IDS: variants seen among roughly 807,000 people sequenced by gnomAD.
The protein encoded by IDS is iduronate 2-sulfatase.
A neutral mutation model predicts 33.5 loss-of-function variants in IDS; 1 was observed. The observed-to-expected ratio is 0.03, with a 90% CI of 0.01 to 0.14. IDS has a LOEUF of 0.14. Among genes scored for constraint, IDS ranks in the 10% least tolerant of loss-of-function variants. The pLI, the probability that IDS is intolerant of heterozygous loss-of-function variation, is 1.00. For missense variants in IDS, 328 were observed against 448.0 expected, an observed-to-expected ratio of 0.73 and a Z score of 2.42; for synonymous variants, 191 against 184.4, an observed-to-expected ratio of 1.04 and a Z score of -0.29.
At chrX:149,503,000 C>A in intron 3 of IDS, 1 of 554,863 alleles carries the variant, frequency 1.8e-6, no homozygotes, top group Non-Finnish European at 2.8e-6. Context: ...AGGGTGGGGC[C>A]CTGAGCTGGA....
Position 149,504,246 on chromosome X carries a change from G to T in IDS, c.151C>A (p.Leu51Met). 8.3e-7 allele frequency: 1 copy of T among 1,208,455 alleles called. No homozygotes were observed. Among genetic ancestry groups the T allele is most frequent in the Non-Finnish European group, 1.1e-6 (1 of 893,029 alleles). The change falls in exon 2 of 9, where the codon CTG becomes ATG. Residue 51 changes from leucine to methionine, a missense_variant. Physicochemically the swap from Leu to Met is conservative, Grantham distance 15. Transcript: ENST00000340855. ...LIIVDDLRPS[L>M]GCYGDKLVRS... ...ACCAGCTTATCCCCATAACAGCCCA[G>T]GGAGGGGCGCAGGTCATCCACGATG... is the stretch of plus-strand genomic sequence containing the variant.
In IDS at chrX:149,496,477, C is replaced by T. The variant is rs782613338; in HGVS notation, c.748G>A (p.Ala250Thr). 7 of 1,209,429 alleles carry T rather than the reference C, an allele frequency of 5.8e-6. No individual in the cohort carries two copies. The South Asian group carries it at 8.8e-5, about 15-fold the overall frequency. ...CCATCAGGGACCTCGGGATCGGGGGCCAGGGTGATGTTCTCCAAGGGATAC... is the reference window on the plus strand; with the variant it reads ...CCATCAGGGACCTCGGGATCGGGGGTCAGGGTGATGTTCTCCAAGGGATAC... Reference protein sequence around the residue: ...KLYPLENITLAPDPEVPDGLP... With the variant: ...KLYPLENITLTPDPEVPDGLP... Residue 250 changes from alanine to threonine, a missense_variant, in exon 6 of 9, where the codon GCC (alanine) becomes ACC (threonine). Ala to Thr is a moderately conservative substitution (Grantham distance 58). Transcript: ENST00000340855.
At position 149,497,168 on chromosome X, in the gene IDS, G is replaced by A. The variant is rs182876203; in HGVS notation, c.709-652C>T. ...CTGTCTGGAACATATCAAAATTCCA[G>A]GCTCCCAGAAAAAAAAAAACAAACC... is the stretch of plus-strand genomic sequence containing the variant. On this transcript the variant is annotated intron_variant, in intron 5 of 8. Coordinates refer to ENST00000340855, the MANE Select transcript of IDS (RefSeq NM_000202.8). 2.4e-3 allele frequency among the ~76,000 whole-genome samples: 266 copies of A among 110,077 alleles called. 3 individuals are homozygous for A. Among genetic ancestry groups the A allele is most frequent in the African/African-American group, 8.5e-3 (253 of 29,727 alleles).
In IDS at chrX:149,480,737, C is replaced by T; in HGVS notation, c.*2009G>A. 7.4e-6 allele frequency: 1 copy of T among 135,666 alleles called. No homozygotes were observed. The highest frequency in any genetic ancestry group is 8.6e-5 in the Admixed American group (1 of 11,575). 11.2% of individuals were successfully genotyped at this position (135,666 alleles called of 1,213,427 possible). On this transcript the variant is annotated 3_prime_UTR_variant, in exon 9 of 9. Coordinates refer to ENST00000340855, the MANE Select transcript of IDS (RefSeq NM_000202.8). ...TCAAGTGATCCGCCTGCCTGGGCCT[C>T]CCAAAGTGCTGGGATTACAGGTGTG...
chrX:149,487,503 C>T (rs2089348437), intron 7 of IDS, among the ~76,000 whole-genome samples: 1 of 111,900 alleles, frequency 8.9e-6, no homozygotes, highest in Admixed American at 9.4e-5. Flanking sequence ...CCTGTGCCTA[C>T]CTGTCTTTTG....
chrX:149,489,554 A>G (rs1338805394), intron 7 of IDS, among the ~76,000 whole-genome samples: 1 of 111,924 alleles, frequency 8.9e-6, no homozygotes, highest in Non-Finnish European at 1.9e-5. Context: ...CTATTATCCT[A>G]TTTCATATTT....
chrX:149,493,209 G>A (rs2089408110), intron 6 of IDS, among the ~76,000 whole-genome samples: 2 of 112,370 alleles, frequency 1.8e-5, no homozygotes, highest in Admixed American at 9.4e-5. Flanking sequence ...AAAGGATATA[G>A]TGGGGGGCCT....
chrX:149,488,580 G>C (rs1569560438), intron 7 of IDS, among the ~76,000 whole-genome samples: 1 of 107,265 alleles, frequency 9.3e-6, no homozygotes, highest in Non-Finnish European at 1.9e-5. Flanking sequence ...GCCTCTGCCA[G>C]CTTTTGTGAG....
chrX:149,487,235 C>G (rs2089345118), intron 7 of IDS, 137 bp from the exon 8 acceptor site: 3 of 1,204,247 alleles, frequency 2.5e-6, no homozygotes, highest in Non-Finnish European at 2.3e-6. Context: ...AAAATATTCA[C>G]TTGGAATTAC....
At chrX:149,499,803 C>T (rs1327562242) in intron 4 of IDS, among the ~76,000 whole-genome samples, 1 of 111,592 alleles carries the variant, frequency 9.0e-6, no homozygotes, top group African/African-American at 3.3e-5. Context: ...TCCCAATCAA[C>T]TTGATAAGGT....
chrX:149,502,229 G>A, intron 3 of IDS: 1 of 317,123 alleles, frequency 3.2e-6, no homozygotes. Context: ...AGAGCCTGGT[G>A]CCAAAATCCA....
chrX:149,487,527 G>A (rs1299186193), intron 7 of IDS, among the ~76,000 whole-genome samples: 3 of 111,745 alleles, frequency 2.7e-5, no homozygotes, highest in African/African-American at 6.5e-5. Context: ...CATGCCCTAC[G>A]AGGTCAGGTT....
chrX:149,485,595 C>A (rs1007286654), intron 8 of IDS, among the ~76,000 whole-genome samples: 1 of 111,758 alleles, frequency 8.9e-6, no homozygotes, highest in Non-Finnish European at 1.9e-5. Context: ...GTTAGGCTGG[C>A]TAAGTGGGAA....
chrX:149,495,643 T>C (rs938023069), intron 6 of IDS: 2 of 113,102 alleles, frequency 1.8e-5, no homozygotes, highest in Non-Finnish European at 3.7e-5. Context: ...CCATCCGCTA[T>C]AGCTTGCCTG....
At position 149,504,283 on chromosome X, in the gene IDS, G is replaced by C; in HGVS notation, c.114C>G (p.Asn38Lys). The change falls in exon 2 of 9, where the codon AAC becomes AAG. Residue 38 changes from asparagine to lysine, a missense_variant. Coordinates refer to ENST00000340855, the MANE Select transcript of IDS (RefSeq NM_000202.8). ...GGTCATCCACGATGATGAGAAGAAC[G>C]TTCAGAGCATCTACACAGGAGGGAG... ...TQANSTTDAL[N>K]VLLIIVDDLR... 1 of 1,202,862 alleles carries C rather than the reference G, an allele frequency of 8.3e-7. No homozygotes were observed. Among genetic ancestry groups the C allele is most frequent in the South Asian group, 1.8e-5 (1 of 56,019 alleles).
chrX:149,486,096 G>A (rs1159626319), intron 8 of IDS, among the ~76,000 whole-genome samples: 1 of 111,706 alleles, frequency 9.0e-6, no homozygotes, highest in African/African-American at 3.3e-5. Flanking sequence ...CAGAGACAGT[G>A]TACAACCTGT....
intron 6 of IDS, among the ~76,000 whole-genome samples, chrX:149,495,061 C>T (rs949418580): frequency 8.9e-6 from 1 of 111,965 alleles, no homozygotes; most frequent in Non-Finnish European, 1.9e-5. Flanking sequence ...AGGTACCTCA[C>T]TAAGTCCCCA....
At chrX:149,486,066 GC>G (rs1309669980) in intron 8 of IDS, among the ~76,000 whole-genome samples, 1 of 111,664 alleles carries the variant, frequency 9.0e-6, no homozygotes, top group Non-Finnish European at 1.9e-5. Flanking sequence ...TCCAAAAAGA[GC>G]AAACGTCATA....
chrX:149,483,127 A>G lies in IDS; in HGVS notation c.1272T>C (p.Val424=). 1 of 1,210,942 alleles carries G rather than the reference A, an allele frequency of 8.3e-7. No homozygotes were observed. Among genetic ancestry groups the G allele is most frequent in the Non-Finnish European group, 1.1e-6 (1 of 895,088 alleles). The change falls in exon 9 of 9, where the codon GTT becomes GTC. Residue 424 remains valine, a synonymous_variant. Transcript: ENST00000340855. ...TGCACAGCTCAACGTGAAATGAAGG[A>G]ACGGGGCAGCGAGGTGGAACCTGCA... ...AGLQVPPRCP[V]PSFHVELCRE... is the part of the protein sequence containing the mutation.
Sources: allele counts gnomAD v4.1 joint callset (sites outside exome capture counted in the v4.1 genomes callset), GRCh38; gene constraint gnomAD v4.1.1; transcripts MANE v1.5; gene names NCBI Gene and HGNC (gene_info 2026-07-23, HGNC 2026-07-21).